Variants in MORN1 observed in about 807,000 individuals in gnomAD.
The protein encoded by MORN1 is MORN repeat containing 1.
A neutral mutation model predicts 61.9 loss-of-function variants in MORN1; 67 were observed. The observed-to-expected ratio is 1.08, with a 90% CI of 0.89 to 1.33. The LOEUF is 1.33. MORN1 is among the 40% of genes most tolerant of loss of function. The pLI is 0.00. For missense variants in MORN1, 752 were observed against 691.2 expected, an observed-to-expected ratio of 1.09 and a Z score of -0.99; for synonymous variants, 301 against 292.0, an observed-to-expected ratio of 1.03 and a Z score of -0.31.
intron 7 of MORN1, among the ~76,000 whole-genome samples, chr1:2,373,264 G>A (rs1167511093): frequency 2.0e-5 from 3 of 152,252 alleles, no homozygotes; most frequent in African/African-American, 4.8e-5. Context: ...CAGCACAGGC[G>A]ATGCCGGGTG....
At chr1:2,373,888 G>A (rs894705180) in intron 7 of MORN1, among the ~76,000 whole-genome samples, 2 of 152,222 alleles carry the variant, frequency 1.3e-5, no homozygotes, top group East Asian at 1.9e-4. Flanking sequence ...GGGCTGCCTG[G>A]GCTGAGACCT....
chr1:2,378,684 C>T (rs1186070153), intron 6 of MORN1: 1 of 333,176 alleles, frequency 3.0e-6, no homozygotes, highest in African/African-American at 2.2e-5. Context: ...AGGAGACACT[C>T]TGATGTGCAC....
At chr1:2,383,345 T>A (rs1642414589) in intron 6 of MORN1, among the ~76,000 whole-genome samples, 1 of 152,122 alleles carries the variant, frequency 6.6e-6, no homozygotes, top group Admixed American at 6.5e-5. Context: ...AGGGGGAGTT[T>A]CCTGAGAAGT....
chr1:2,341,705 A>AAAAG, intron 10 of MORN1, among the ~76,000 whole-genome samples: 1 of 150,672 alleles, frequency 6.6e-6, no homozygotes, highest in East Asian at 2.0e-4. Flanking sequence ...AAAAAAAAAA[A>AAAAG]AAAAAGAAAA....
chr1:2,374,682 A>C, intron 6 of MORN1, 125 bp from the exon 7 acceptor site: 1 of 726,342 alleles, frequency 1.4e-6, no homozygotes, highest in Non-Finnish European at 2.3e-6. Context: ...AGAAAACCAC[A>C]TCGTCTCGAG....
intron 1 of MORN1, 21 bp downstream of exon 1, chr1:2,391,428 GCGACCTGTC>G (rs957224954): frequency 4.1e-5 from 52 of 1,255,732 alleles, no homozygotes; most frequent in Non-Finnish European, 5.0e-5. Context: ...AGGGCAGCCA[GCGACCTGTC>G]CCGTGGCCCG....
chr1:2,387,389 C>G (rs1230778937), intron 4 of MORN1, 30 bp downstream of exon 4: 1 of 1,550,640 alleles, frequency 6.4e-7, no homozygotes, highest in African/African-American at 1.4e-5. Context: ...CGCCCACCCT[C>G]ACAGCACCCG....
intron 10 of MORN1, among the ~76,000 whole-genome samples, chr1:2,354,172 T>G (rs1267181682): frequency 5.3e-5 from 8 of 152,170 alleles, no homozygotes; most frequent in Admixed American, 4.6e-4. Flanking sequence ...TCCTGCTGGG[T>G]CCTTGGCCCA....
At position 2,357,415 on chromosome 1, in the gene MORN1, TTG is replaced by T; in HGVS notation, c.1036+15_1036+16del. On this transcript the variant is annotated intron_variant, in intron 10 of 13. Coordinates refer to ENST00000378531, the MANE Select transcript of MORN1 (RefSeq NM_024848.3). The surrounding 1 kb of genome is among the most constrained non-coding windows in gnomAD (Gnocchi z 6.3). ...CTGGGCCCACCCACCCCCAACTGGT[TTG>T]TGAGCTCCACTTACCAAGCAGGCCA... The T allele has an allele frequency of 6.3e-7, 1 of 1,579,336 alleles. No individual in the cohort carries two copies. The highest frequency in any genetic ancestry group is 8.6e-7 in the Non-Finnish European group (1 of 1,162,524).
intron 9 of MORN1, among the ~76,000 whole-genome samples, chr1:2,358,349 C>T (rs766774668): frequency 2.6e-5 from 4 of 152,072 alleles, no homozygotes; most frequent in Non-Finnish European, 5.9e-5. Context: ...GGGGGCCGAG[C>T]GCTGGGGGAG....
intron 10 of MORN1, among the ~76,000 whole-genome samples, chr1:2,339,822 A>G (rs1383206775): frequency 6.6e-6 from 1 of 152,188 alleles, no homozygotes. Flanking sequence ...GCTGGGCCAG[A>G]AACACCACAC....
At chr1:2,382,516 C>T (rs1053114704) in intron 6 of MORN1, among the ~76,000 whole-genome samples, 2 of 152,124 alleles carry the variant, frequency 1.3e-5, no homozygotes, top group Non-Finnish European at 2.9e-5. Context: ...CCCTGCAAGG[C>T]GAGGGAATCG....
chr1:2,342,708 C>T (rs1427659338), intron 10 of MORN1, among the ~76,000 whole-genome samples: 5 of 152,268 alleles, frequency 3.3e-5, no homozygotes, highest in Middle Eastern at 3.4e-3. Context: ...CCAAGATCCA[C>T]GAGGAGGTGT....
chr1:2,349,835 G>GT (rs1457069544), intron 10 of MORN1, among the ~76,000 whole-genome samples: 2 of 152,138 alleles, frequency 1.3e-5, no homozygotes, highest in Non-Finnish European at 2.9e-5. Flanking sequence ...TCCAACACGT[G>GT]TAAGAGAAAC....
At chr1:2,333,118 C>T (rs985334462) in intron 12 of MORN1, among the ~76,000 whole-genome samples, 5 of 152,214 alleles carry the variant, frequency 3.3e-5, no homozygotes, top group African/African-American at 9.6e-5. Flanking sequence ...TGTTGGGGGG[C>T]GTGACTGGGG....
intron 10 of MORN1, among the ~76,000 whole-genome samples, chr1:2,348,724 CGCACACGCACACCTGCGCGG>C (rs1641577163): frequency 6.8e-6 from 1 of 147,530 alleles, no homozygotes; most frequent in African/African-American, 2.5e-5. Flanking sequence ...TGCGCGGGCA[CGCACACGCACACCTGCGCGG>C]GCACGCACAC....
At chr1:2,344,764 C>G (rs561969669) in intron 10 of MORN1, among the ~76,000 whole-genome samples, 2 of 152,334 alleles carry the variant, frequency 1.3e-5, no homozygotes, top group East Asian at 3.9e-4. Flanking sequence ...CAACAGCTGC[C>G]TGCAGAGCCT....
chr1:2,370,032 C>G (rs2840536), intron 8 of MORN1, among the ~76,000 whole-genome samples: 22,161 of 152,172 alleles, frequency 0.15, 1,884 homozygotes, highest in East Asian at 0.25. Context: ...CCAGCAGAGT[C>G]AAGATCATTT....
chr1:2,368,356 C>T (rs998172723), intron 8 of MORN1, among the ~76,000 whole-genome samples: 4 of 152,222 alleles, frequency 2.6e-5, no homozygotes, highest in African/African-American at 7.2e-5. Flanking sequence ...AGGGCAGTGT[C>T]GCAGTCATAT....
Sources: allele counts gnomAD v4.1 joint callset (sites outside exome capture counted in the v4.1 genomes callset), GRCh38; gene constraint gnomAD v4.1.1; non-coding constraint Gnocchi (gnomAD v3.1); transcripts MANE v1.5; gene names NCBI Gene and HGNC (gene_info 2026-07-23, HGNC 2026-07-21).